SLC26A7: variants seen among roughly 807,000 people sequenced by gnomAD.
The protein encoded by SLC26A7 is anion exchange transporter.
A neutral mutation model predicts 82.5 loss-of-function variants in SLC26A7; 59 were observed. The observed-to-expected ratio is 0.72, with a 90% CI of 0.58 to 0.89. The LOEUF is 0.89. Ranked by LOEUF, SLC26A7 falls within the 40% of genes least tolerant of loss-of-function variation. The pLI is 0.00. For synonymous variants in SLC26A7, 271 were observed against 274.3 expected (o/e 0.99, Z 0.12); for missense variants, 820 against 793.0 (o/e 1.03, Z -0.41).
chr8:91,323,787 A>G (rs1333095396), intron 5 of SLC26A7, among the ~76,000 whole-genome samples: 1 of 149,834 alleles, frequency 6.7e-6, no homozygotes, highest in Non-Finnish European at 1.5e-5. Context: ...TTAATATCCA[A>G]CTTAATCTTT....
At chr8:91,328,073 G>C (rs1812982331) in intron 5 of SLC26A7, among the ~76,000 whole-genome samples, 1 of 152,046 alleles carries the variant, frequency 6.6e-6, no homozygotes, top group South Asian at 2.1e-4. Context: ...GGTTAATAAA[G>C]TATTGAGCAG....
chr8:91,341,705 T>C (rs1289525587), intron 8 of SLC26A7, among the ~76,000 whole-genome samples: 1 of 152,166 alleles, frequency 6.6e-6, no homozygotes, highest in African/African-American at 2.4e-5. Context: ...ACACTCAGAG[T>C]AAGAGCCTCT....
At chr8:91,293,685 A>G (rs913736407) in intron 3 of SLC26A7, among the ~76,000 whole-genome samples, 1 of 152,152 alleles carries the variant, frequency 6.6e-6, no homozygotes, top group Non-Finnish European at 1.5e-5. Context: ...TCTTCCTCCA[A>G]ATCCCAGGAA....
chr8:91,325,589 A>C (rs924956202), intron 5 of SLC26A7, among the ~76,000 whole-genome samples: 1 of 152,156 alleles, frequency 6.6e-6, no homozygotes, highest in African/African-American at 2.4e-5. Flanking sequence ...TTGAAGGCAT[A>C]AGACTGGAGG....
chr8:91,388,883 C>T (rs1250560691), intron 15 of SLC26A7, among the ~76,000 whole-genome samples: 1 of 151,808 alleles, frequency 6.6e-6, no homozygotes, highest in African/African-American at 2.4e-5. Flanking sequence ...AGAGTGATTC[C>T]AAAATTGTAT....
chr8:91,375,761 G>T (rs1170979161), intron 15 of SLC26A7, among the ~76,000 whole-genome samples: 1 of 145,118 alleles, frequency 6.9e-6, no homozygotes, highest in Admixed American at 7.0e-5. Flanking sequence ...TTAATTTCTT[G>T]TATCTGGATA....
At chr8:91,260,154 T>C (rs982102642) in intron 2 of SLC26A7, among the ~76,000 whole-genome samples, 4 of 152,252 alleles carry the variant, frequency 2.6e-5, no homozygotes, top group African/African-American at 9.6e-5. Context: ...TTTAATTGAC[T>C]CACAGTTCCA....
rs150411823 is a variant in SLC26A7, at chr8:91,273,484, G to A, written c.194-15652G>A. 2.0e-5 allele frequency among the ~76,000 whole-genome samples: 3 copies of A among 152,234 alleles called. No individual in the cohort carries two copies. The East Asian group carries it at 5.8e-4, about 29-fold the overall frequency. On this transcript the variant is annotated intron_variant, in intron 2 of 18. Coordinates refer to ENST00000276609, the MANE Select transcript of SLC26A7 (RefSeq NM_052832.4). ...CTGTGAATATCAGGGTGCTCTGGGA[G>A]GCAAGTGCTAAAATAGTTTAAACAA...
At chr8:91,247,781 T>C (rs564307641), upstream of SLC26A7, among the ~76,000 whole-genome samples, 24 of 152,278 alleles carry the variant, frequency 1.6e-4, no homozygotes, top group South Asian at 4.6e-3. Flanking sequence ...TGATTGAAAT[T>C]ACACAAATGA....
chr8:91,387,094 T>A (rs1425729305), intron 15 of SLC26A7, among the ~76,000 whole-genome samples: 2 of 152,156 alleles, frequency 1.3e-5, no homozygotes, highest in African/African-American at 4.8e-5. Flanking sequence ...ATTTTTATAC[T>A]GTGAAAATTT....
At chr8:91,303,708 C>T (rs1233155153) in intron 4 of SLC26A7, among the ~76,000 whole-genome samples, 2 of 152,138 alleles carry the variant, frequency 1.3e-5, no homozygotes, top group Non-Finnish European at 2.9e-5. Flanking sequence ...GGAGATTCTT[C>T]AATTACTTTT....
chr8:91,286,025 C>T (rs1436837162), intron 2 of SLC26A7, among the ~76,000 whole-genome samples: 1 of 152,184 alleles, frequency 6.6e-6, no homozygotes, highest in African/African-American at 2.4e-5. Context: ...TAAATCTTCT[C>T]TGTGATAAAT....
intron 4 of SLC26A7, among the ~76,000 whole-genome samples, chr8:91,299,281 A>G (rs1812097573): frequency 6.6e-6 from 1 of 152,066 alleles, no homozygotes; most frequent in South Asian, 2.1e-4. Flanking sequence ...TTATTTTACT[A>G]TGCAAATTTA....
At chr8:91,230,824 A>T (rs1810301553) in intron 2 of SLC26A7, among the ~76,000 whole-genome samples, 1 of 152,230 alleles carries the variant, frequency 6.6e-6, no homozygotes, top group Admixed American at 6.5e-5. Context: ...AACACGGAAG[A>T]TGAATTAAGA....
At chr8:91,298,285 A>G (rs1187507434) in intron 4 of SLC26A7, among the ~76,000 whole-genome samples, 3 of 152,034 alleles carry the variant, frequency 2.0e-5, no homozygotes, top group African/African-American at 7.2e-5. Context: ...CTCTTTCTCC[A>G]CTTCTTTACT....
At chr8:91,219,714 C>T (rs118137457) in intron 2 of SLC26A7, among the ~76,000 whole-genome samples, 3,678 of 152,230 alleles carry the variant, frequency 0.024, 71 homozygotes, top group South Asian at 0.049. Flanking sequence ...CAGTTGAGAA[C>T]GTGTTAGAAA....
intron 11 of SLC26A7, among the ~76,000 whole-genome samples, chr8:91,361,473 T>A (rs1814047797): frequency 6.6e-6 from 1 of 152,142 alleles, no homozygotes; most frequent in Non-Finnish European, 1.5e-5. Flanking sequence ...AGAATTGCAG[T>A]CAGAGGCAAA....
chr8:91,237,575 C>G (rs74538253), intron 2 of SLC26A7, among the ~76,000 whole-genome samples: 7,206 of 152,252 alleles, frequency 0.047, 225 homozygotes, highest in Middle Eastern at 0.17. Context: ...CAGACTTGCT[C>G]CATCTGGCAT....
In SLC26A7 at chr8:91,293,094, T is replaced by C. The variant is rs1165483603; in HGVS notation, c.305-2437T>C. Among the ~76,000 whole-genome samples the C allele has an allele frequency of 3.3e-5, 5 of 152,306 alleles. No homozygotes were observed. In the East Asian group the frequency reaches 9.6e-4, roughly 29 times the overall value. ...TCTATCAAAATTTTGTAATAGGTATTTTATCATCATTTTACAAATAAGGAA... is the reference window on the plus strand; with the variant it reads ...TCTATCAAAATTTTGTAATAGGTATCTTATCATCATTTTACAAATAAGGAA... On this transcript the variant is annotated intron_variant, in intron 3 of 18. Transcript: ENST00000276609.
Sources: allele counts gnomAD v4.1 joint callset (sites outside exome capture counted in the v4.1 genomes callset), GRCh38; gene constraint gnomAD v4.1.1; transcripts MANE v1.5; gene names NCBI Gene and HGNC (gene_info 2026-07-23, HGNC 2026-07-21).